The following MAP2 variants were observed in gnomAD, a reference collection of about 807,000 sequenced individuals.
The protein encoded by MAP2 is microtubule associated protein 2.
Under a neutral mutation model 137.6 loss-of-function variants are expected in MAP2, and 14 were observed. The ratio of observed to expected loss-of-function variants is 0.10; its 90% CI spans 0.07 to 0.16. The LOEUF (loss-of-function observed/expected upper bound fraction) is 0.16, where lower values mean the gene tolerates loss of function less well. MAP2 is among the 10% of genes least tolerant of loss of function. The pLI is 1.00. For synonymous variants in MAP2, 786 were observed against 782.3 expected (o/e 1.00, Z -0.08); for missense variants, 2,088 against 2,191.5 (o/e 0.95, Z 0.94).
At chr2:209,449,192 T>G (rs1377815498) in intron 1 of MAP2, among the ~76,000 whole-genome samples, 2 of 152,206 alleles carry the variant, frequency 1.3e-5, no homozygotes, top group Non-Finnish European at 2.9e-5. Flanking sequence ...CACAGTCTTA[T>G]TTAGCACTGT....
At chr2:209,653,023 A>G (rs954771132) in intron 4 of MAP2, 119 bp from the exon 5 acceptor site, 5 of 660,996 alleles carry the variant, frequency 7.6e-6, no homozygotes, top group Non-Finnish European at 1.2e-5. Context: ...GTTATTGTAC[A>G]TGTTTTCTTT....
intron 2 of MAP2, among the ~76,000 whole-genome samples, chr2:209,556,007 A>G (rs1276371103): frequency 7.4e-6 from 1 of 134,306 alleles, no homozygotes; most frequent in Non-Finnish European, 1.6e-5. Flanking sequence ...AGAGAAAATC[A>G]TTTTCAGGCA....
chr2:209,660,312 T>C (rs1291873083), intron 5 of MAP2, among the ~76,000 whole-genome samples: 1 of 151,428 alleles, frequency 6.6e-6, no homozygotes, highest in Non-Finnish European at 1.5e-5. Context: ...AATCTGGCCC[T>C]ATACTATCAC....
rs5838170 is a variant in MAP2 at position 209,476,397 on chromosome 2, G to GTT, written c.-221-31181_-221-31180dup. On this transcript the variant is annotated intron_variant, in intron 1 of 15. Coordinates refer to ENST00000682079, the MANE Select transcript of MAP2 (RefSeq NM_001375505.1). The stretch of plus-strand genomic sequence containing the variant: ...TCCTCCCCACGATTTGTTTTTCTTA[G>GTT]TTTTTTTTTTTTTTTCATCATTCTG... Among the ~76,000 whole-genome samples the GTT allele has an allele frequency of 8.5e-3, 1,214 of 143,594 alleles. 7 individuals are homozygous for GTT. The highest frequency in any genetic ancestry group is 0.035 in the South Asian group (161 of 4,560). 94.2% of individuals were successfully genotyped at this position (143,594 alleles called of 152,430 possible). A position where few individuals can be genotyped will look rare whatever the true frequency, so the allele number is the denominator to read the frequency against.
At chr2:209,500,378 C>G (rs1437029767) in intron 1 of MAP2, among the ~76,000 whole-genome samples, 1 of 152,152 alleles carries the variant, frequency 6.6e-6, no homozygotes, top group East Asian at 1.9e-4. Context: ...ACCCCCTGGG[C>G]TTTGATTCTT....
chr2:209,583,142 T>A (rs986230569), intron 3 of MAP2, among the ~76,000 whole-genome samples: 1 of 117,028 alleles, frequency 8.5e-6, no homozygotes, highest in Non-Finnish European at 1.7e-5. Context: ...TCCATCTGTC[T>A]GTCTGTCTAT....
intron 3 of MAP2, among the ~76,000 whole-genome samples, chr2:209,620,811 T>C: frequency 6.6e-6 from 1 of 152,156 alleles, no homozygotes; most frequent in Non-Finnish European, 1.5e-5. Context: ...AGATTGATAG[T>C]GGAGGTGGAG....
intron 4 of MAP2, among the ~76,000 whole-genome samples, chr2:209,642,969 C>G (rs1396305377): frequency 1.3e-5 from 2 of 152,062 alleles, no homozygotes; most frequent in Admixed American, 6.6e-5. Context: ...CATAATTGAG[C>G]CTACATGGAA....
In MAP2 at chr2:209,432,360, A is replaced by G. The variant is rs571970156; in HGVS notation, c.-222+8084A>G. 6.6e-5 allele frequency among the ~76,000 whole-genome samples: 10 copies of G among 152,082 alleles called. No individual in the cohort carries two copies. In the South Asian group the frequency reaches 2.1e-3, roughly 32 times the overall value. On this transcript the variant is annotated intron_variant, in intron 1 of 15. Transcript: ENST00000682079. ...TGTTGTTGTTGTTTTGCTTTTTCCA[A>G]GACTGCATATTAAATAAGAATTGGG...
At chr2:209,436,365 C>T (rs975783985) in intron 1 of MAP2, among the ~76,000 whole-genome samples, 58 of 151,650 alleles carry the variant, frequency 3.8e-4, no homozygotes, top group Middle Eastern at 3.4e-3. Context: ...TTGTGGGCCA[C>T]GCGTAGTCTC....
At chr2:209,697,171 C>A (rs2060388821) in intron 10 of MAP2, 120 bp downstream of exon 10, 2 of 1,026,480 alleles carry the variant, frequency 1.9e-6, no homozygotes, top group Non-Finnish European at 2.8e-6. Context: ...CAGTCATGAA[C>A]AATTTTGCTA....
chr2:209,472,516 G>A (rs2149726313), intron 1 of MAP2, among the ~76,000 whole-genome samples: 1 of 152,234 alleles, frequency 6.6e-6, no homozygotes, highest in South Asian at 2.1e-4. Flanking sequence ...TGAATCTCAG[G>A]AAAAACGAGA....
intron 7 of MAP2, among the ~76,000 whole-genome samples, chr2:209,686,891 A>C (rs920403116): frequency 6.6e-6 from 1 of 152,180 alleles, no homozygotes; most frequent in Non-Finnish European, 1.5e-5. Flanking sequence ...ACTCTGCAGA[A>C]ATTTTTAGCT....
At chr2:209,590,018 A>G (rs2078816795) in intron 3 of MAP2, among the ~76,000 whole-genome samples, 3 of 152,128 alleles carry the variant, frequency 2.0e-5, no homozygotes, top group Non-Finnish European at 2.9e-5. Context: ...AGTTAGGGTC[A>G]AGGTGGAGGT....
chr2:209,497,304 T>C (rs1559238006), intron 1 of MAP2, among the ~76,000 whole-genome samples: 1 of 152,140 alleles, frequency 6.6e-6, no homozygotes, highest in Non-Finnish European at 1.5e-5. Context: ...TCCCCACCCA[T>C]CTTCATGTCT....
chr2:209,520,174 T>G (rs1210589578), intron 2 of MAP2, among the ~76,000 whole-genome samples: 2 of 152,054 alleles, frequency 1.3e-5, no homozygotes, highest in Non-Finnish European at 2.9e-5. Flanking sequence ...TTATGAGATT[T>G]CTGGGAGTAA....
intron 7 of MAP2, among the ~76,000 whole-genome samples, chr2:209,685,084 T>A (rs1292199912): frequency 1.3e-5 from 2 of 152,112 alleles, no homozygotes; most frequent in African/African-American, 4.8e-5. Flanking sequence ...TCCACTCCTT[T>A]GCCCAAAATG....
intron 3 of MAP2, among the ~76,000 whole-genome samples, chr2:209,622,513 A>G (rs1330501131): frequency 6.6e-6 from 1 of 152,200 alleles, no homozygotes; most frequent in Non-Finnish European, 1.5e-5. Flanking sequence ...TACTTAATAT[A>G]TATGAAGTGC....
intron 1 of MAP2, among the ~76,000 whole-genome samples, chr2:209,450,381 T>C (rs1700049229): frequency 6.6e-6 from 1 of 152,200 alleles, no homozygotes; most frequent in African/African-American, 2.4e-5. Context: ...CATCCAGTCA[T>C]CGCTTGGCCT....
Sources: gnomAD v4.1 joint callset for allele counts (sites outside exome capture counted in the v4.1 genomes callset) on GRCh38, gnomAD v4.1.1 for gene constraint, MANE v1.5 for transcripts, NCBI Gene and HGNC (gene_info 2026-07-23, HGNC 2026-07-21) for gene names.